Variants in PDE4D observed in about 807,000 individuals in gnomAD.
PDE4D encodes phosphodiesterase 4D, also known as 3',5'-cyclic-AMP phosphodiesterase 4D.
Under a neutral mutation model 87.4 loss-of-function variants are expected in PDE4D, and 24 were observed. The ratio of observed to expected loss-of-function variants is 0.27; its 90% CI spans 0.20 to 0.39. The LOEUF is 0.39. PDE4D is among the 10% of genes least tolerant of loss of function. The pLI, the probability that PDE4D is intolerant of heterozygous loss-of-function variation, is 1.00. For missense variants in PDE4D, 714 were observed against 1,041.0 expected (o/e 0.69, Z 4.32); for synonymous variants, 384 against 383.2 (o/e 1.00, Z -0.02).
chr5:59,919,854 A>G (rs1754477418), intron 3 of PDE4D, among the ~76,000 whole-genome samples: 2 of 152,214 alleles, frequency 1.3e-5, no homozygotes, highest in South Asian at 4.1e-4. Context: ...GCAAAGATTA[A>G]TTTGGTCTGT....
At chr5:59,795,370 G>A (rs1156243515) in intron 1 of PDE4D, among the ~76,000 whole-genome samples, 1 of 152,118 alleles carries the variant, frequency 6.6e-6, no homozygotes, top group East Asian at 1.9e-4. Flanking sequence ...AAAGTGGGAG[G>A]AGGCTGGGTC....
intron 2 of PDE4D, among the ~76,000 whole-genome samples, chr5:59,996,701 C>A (rs989658930): frequency 6.6e-6 from 1 of 152,092 alleles, no homozygotes; most frequent in Non-Finnish European, 1.5e-5. Context: ...AGGAAACAAA[C>A]AAGTCAAGGC....
chr5:60,337,173 A>C (rs1757836129), intron 1 of PDE4D, among the ~76,000 whole-genome samples: 1 of 149,886 alleles, frequency 6.7e-6, no homozygotes, highest in Non-Finnish European at 1.5e-5. Flanking sequence ...ACAAAAAAAA[A>C]AAAAAAAAAT....
intron 1 of PDE4D, among the ~76,000 whole-genome samples, chr5:59,229,868 G>A (rs1296645440): frequency 6.6e-6 from 1 of 152,204 alleles, no homozygotes; most frequent in Admixed American, 6.5e-5. Context: ...GTGCGATCTC[G>A]GCTCACTGCA....
At chr5:60,085,182 C>T (rs1312208478) in intron 2 of PDE4D, among the ~76,000 whole-genome samples, 2 of 151,840 alleles carry the variant, frequency 1.3e-5, no homozygotes, top group African/African-American at 2.4e-5. Context: ...GGTTAATCTT[C>T]CAATAGAAAT....
At chr5:59,475,885 C>T (rs895586928) in intron 1 of PDE4D, among the ~76,000 whole-genome samples, 1 of 151,960 alleles carries the variant, frequency 6.6e-6, no homozygotes, top group Non-Finnish European at 1.5e-5. Context: ...TTTTTTTCCC[C>T]TCCACAATTC....
At chr5:59,601,418 C>CT (rs11331261) in intron 1 of PDE4D, among the ~76,000 whole-genome samples, 5 of 146,882 alleles carry the variant, frequency 3.4e-5, no homozygotes, top group East Asian at 2.0e-4. Context: ...TTCTGGTTTG[C>CT]TTTTTTTTTT....
At chr5:59,773,388 G>A (rs1359801166) in intron 1 of PDE4D, among the ~76,000 whole-genome samples, 1 of 152,008 alleles carries the variant, frequency 6.6e-6, no homozygotes, top group South Asian at 2.1e-4. Flanking sequence ...ATTGTTTATG[G>A]TTATTTCTAT....
intron 3 of PDE4D, among the ~76,000 whole-genome samples, chr5:59,978,385 G>A (rs532142346): frequency 3.3e-5 from 5 of 152,104 alleles, no homozygotes; most frequent in African/African-American, 1.2e-4. Context: ...GACTCTGAGG[G>A]GTTCAAGTGG....
chr5:60,042,712 G>C (rs1768668657), intron 2 of PDE4D, among the ~76,000 whole-genome samples: 1 of 152,186 alleles, frequency 6.6e-6, no homozygotes, highest in Admixed American at 6.5e-5. Context: ...AGGCCTGACT[G>C]TTAGAAGGAA....
intron 1 of PDE4D, among the ~76,000 whole-genome samples, chr5:59,282,296 C>A (rs886692672): frequency 1.3e-5 from 2 of 151,966 alleles, no homozygotes; most frequent in Admixed American, 1.3e-4. Context: ...GACCACATTG[C>A]CAAATGAAGC....
chr5:59,594,207 C>T (rs1826320653), intron 1 of PDE4D, among the ~76,000 whole-genome samples: 1 of 151,594 alleles, frequency 6.6e-6, no homozygotes. Flanking sequence ...CCAGGCTCAC[C>T]AAAAGTCTGA....
At chr5:60,043,068 C>A (rs1768708264) in intron 2 of PDE4D, among the ~76,000 whole-genome samples, 1 of 150,268 alleles carries the variant, frequency 6.7e-6, no homozygotes, top group African/African-American at 2.4e-5. Context: ...AGAGGAATTG[C>A]TAACTAGAAT....
At chr5:59,938,844 C>T (rs1156876103) in intron 3 of PDE4D, among the ~76,000 whole-genome samples, 1 of 152,168 alleles carries the variant, frequency 6.6e-6, no homozygotes, top group Non-Finnish European at 1.5e-5. Flanking sequence ...TCACATACAG[C>T]TCTACATTAA....
chr5:59,776,523 AG>A (rs1469710808), intron 1 of PDE4D, among the ~76,000 whole-genome samples: 1 of 152,224 alleles, frequency 6.6e-6, no homozygotes, highest in East Asian at 1.9e-4. Flanking sequence ...TACAATAAAT[AG>A]GTGCTTTACT....
chr5:59,493,177 T>C (rs1806534542), intron 1 of PDE4D, among the ~76,000 whole-genome samples: 1 of 152,174 alleles, frequency 6.6e-6, no homozygotes. Context: ...TTAGGCATTT[T>C]GGCAAAATAT....
chr5:60,166,610 A>G (rs1782923762), intron 2 of PDE4D, among the ~76,000 whole-genome samples: 1 of 152,224 alleles, frequency 6.6e-6, no homozygotes, highest in South Asian at 2.1e-4. Context: ...TCTAAATTTG[A>G]CTATGTACTT....
intron 1 of PDE4D, among the ~76,000 whole-genome samples, chr5:59,403,059 CATT>C (rs918220363): frequency 1.3e-5 from 2 of 151,900 alleles, no homozygotes; most frequent in Admixed American, 6.6e-5. Flanking sequence ...GATTATGTGA[CATT>C]ATCACCAATT....
At chr5:59,521,249 G>C (rs1045847873) in intron 1 of PDE4D, among the ~76,000 whole-genome samples, 8 of 152,150 alleles carry the variant, frequency 5.3e-5, no homozygotes, top group Admixed American at 5.2e-4. Flanking sequence ...AAGGTGGCTG[G>C]AGGAGCAGAT....
Sources: allele counts gnomAD v4.1 joint callset (sites outside exome capture counted in the v4.1 genomes callset), GRCh38; gene constraint gnomAD v4.1.1; transcripts MANE v1.5; gene names NCBI Gene and HGNC (gene_info 2026-07-23, HGNC 2026-07-21).